Variants in GSE1 observed in about 807,000 individuals in gnomAD.
GSE1 encodes the protein genetic suppressor element 1.
In GSE1, 32 loss-of-function variants were observed where a neutral mutation model predicts 112.6. The ratio of observed to expected loss-of-function variants is 0.28; its 90% CI spans 0.21 to 0.38. The LOEUF (loss-of-function observed/expected upper bound fraction) is 0.38. Ranked by LOEUF, GSE1 falls within the 10% of genes least tolerant of loss-of-function variation. The pLI is 1.00. For synonymous variants in GSE1, 1,115 were observed against 735.6 expected (o/e 1.52, Z -8.35); for missense variants, 2,348 against 1,699.2 (o/e 1.38, Z -6.71).
intron 2 of GSE1, among the ~76,000 whole-genome samples, chr16:85,643,197 T>A (rs1015288600): frequency 6.6e-6 from 1 of 152,236 alleles, no homozygotes; most frequent in African/African-American, 2.4e-5. Flanking sequence ...GGACACGGGC[T>A]GCCTCTTGTC....
At chr16:85,514,965 G>A (rs186265929) in intron 2 of GSE1, among the ~76,000 whole-genome samples, 239 of 152,346 alleles carry the variant, frequency 1.6e-3, no homozygotes, top group South Asian at 2.7e-3. Context: ...GTGTGCATGT[G>A]AGCGTGCATG....
At chr16:85,557,900 G>A (rs1312597294) in intron 1 of GSE1, among the ~76,000 whole-genome samples, 1 of 151,754 alleles carries the variant, frequency 6.6e-6, no homozygotes, top group East Asian at 1.9e-4. Context: ...TTTTCTTGGT[G>A]TGTATGCCGT....
intron 2 of GSE1, among the ~76,000 whole-genome samples, chr16:85,506,032 C>T (rs1056707187): frequency 1.8e-4 from 27 of 152,208 alleles, no homozygotes; most frequent in African/African-American, 6.3e-4. Context: ...TGGAGTGCCT[C>T]CTGAATGGCG....
intron 1 of GSE1, among the ~76,000 whole-genome samples, chr16:85,281,256 G>T (rs1207500920): frequency 8.5e-5 from 13 of 152,064 alleles, no homozygotes; most frequent in Admixed American, 6.6e-4. Flanking sequence ...GTCCCAATTA[G>T]CTGGGGACAC....
Position 85,478,917 on chromosome 16 carries a change from TTC to T in GSE1, c.2464+121276_2464+121277del, listed in dbSNP as rs56810023. Among the ~76,000 whole-genome samples the T allele has an allele frequency of 2.5e-3, 148 of 60,052 alleles. 5 individuals carry two copies. The highest frequency in any genetic ancestry group is 4.9e-3 in the South Asian group (10 of 2,036). The allele number at this position is 60,052 out of a possible 152,430, so 39.4% of individuals were successfully genotyped here. On this transcript the variant is annotated intron_variant, in intron 2 of 2. Coordinates refer to the GSE1 transcript ENST00000637419. ...TTTCTTTCTTTCTTTCTTTCTTTCT[TTC>T]TTTCTTTCTCTTTCTTTCTTTCTTT... is the stretch of plus-strand genomic sequence containing the variant.
chr16:85,289,594 C>T (rs577845476), intron 1 of GSE1, among the ~76,000 whole-genome samples: 1 of 152,208 alleles, frequency 6.6e-6, no homozygotes, highest in Admixed American at 6.5e-5. Flanking sequence ...CCACAGACCA[C>T]ACTTTGAGAA....
At chr16:85,627,082 A>ATTTTTTTTTTTTTTTTTTTTTTTTT (rs1365252836) in intron 1 of GSE1, among the ~76,000 whole-genome samples, 1 of 28,214 alleles carries the variant, frequency 3.5e-5, no homozygotes, top group African/African-American at 1.9e-4. Context: ...TTTTTAAAGC[A>ATTTTTTTTTTTTTTTTTTTTTTTTT]TTGTGCTGCT....
At chr16:85,303,267 T>C (rs1348453094) in intron 1 of GSE1, among the ~76,000 whole-genome samples, 4 of 152,228 alleles carry the variant, frequency 2.6e-5, no homozygotes, top group African/African-American at 9.6e-5. Context: ...GTTGGGTTCC[T>C]ATCTGGGGCT....
At chr16:85,262,718 T>C (rs1342543471) in intron 1 of GSE1, among the ~76,000 whole-genome samples, 1 of 152,196 alleles carries the variant, frequency 6.6e-6, no homozygotes, top group African/African-American at 2.4e-5. Flanking sequence ...CTTGCACAAG[T>C]TCTGATCCTC....
chr16:85,294,616 A>ACTCTCTCTCT lies in GSE1; in HGVS notation c.2284-62814_2284-62805dup, dbSNP rs756560732. Among the ~76,000 whole-genome samples the ACTCTCTCTCT allele has an allele frequency of 9.8e-3, 753 of 76,636 alleles. 70 individuals carry two copies. The highest frequency in any genetic ancestry group is 0.042 in the African/African-American group (678 of 16,198). The allele number at this position is 76,636 out of a possible 152,430, so 50.3% of individuals were successfully genotyped here. ...CCTGGATCTTGCCAGCACGCCTCTC[A>ACTCTCTCTCT]CTCTCTCTCTCTCTCTCTCTCTCTC... is the stretch of plus-strand genomic sequence containing the variant. On this transcript the variant is annotated intron_variant, in intron 1 of 2. Coordinates refer to the GSE1 transcript ENST00000637419.
chr16:85,608,409 G>A (rs1402121605), upstream of GSE1, among the ~76,000 whole-genome samples: 1 of 152,176 alleles, frequency 6.6e-6, no homozygotes, highest in Non-Finnish European at 1.5e-5. Flanking sequence ...GTGAATCCCA[G>A]GGTGCTCAGC....
chr16:85,255,031 C>A (rs1242870185), intron 1 of GSE1, among the ~76,000 whole-genome samples: 1 of 152,222 alleles, frequency 6.6e-6, no homozygotes, highest in East Asian at 1.9e-4. Context: ...GCGGTCTCTG[C>A]AGGGACCCGC....
Position 85,206,219 on chromosome 16 carries a change from G to A in GSE1, c.2283+34412G>A, listed in dbSNP as rs116845317. On this transcript the variant is annotated intron_variant, in intron 1 of 2. Transcript: ENST00000637419. ...GGGGGGCGCATGTGCAAAGGGCGCCGGGTGTGGTGGGAAGACCTGTGTTTG... is the reference window on the plus strand; with the variant it reads ...GGGGGGCGCATGTGCAAAGGGCGCCAGGTGTGGTGGGAAGACCTGTGTTTG... 8.1e-3 allele frequency among the ~76,000 whole-genome samples: 1,236 copies of A among 152,162 alleles called. 7 individuals are homozygous for A. Among genetic ancestry groups the A allele is most frequent in the Non-Finnish European group, 0.014 (957 of 68,004 alleles).
chr16:85,443,211 C>G (rs1430165411), intron 2 of GSE1, among the ~76,000 whole-genome samples: 1 of 152,224 alleles, frequency 6.6e-6, no homozygotes, highest in Non-Finnish European at 1.5e-5. Context: ...CCCCAGCGTG[C>G]TGCTGCCTGC....
intron 8 of GSE1, among the ~76,000 whole-genome samples, chr16:85,658,162 G>A (rs1165185907): frequency 6.6e-6 from 1 of 152,234 alleles, no homozygotes; most frequent in African/African-American, 2.4e-5. Flanking sequence ...CTTATGAGCT[G>A]GGCCCCAGTG....
intron 1 of GSE1, among the ~76,000 whole-genome samples, chr16:85,632,993 C>T (rs1248084555): frequency 6.7e-6 from 1 of 148,918 alleles, no homozygotes; most frequent in Non-Finnish European, 1.5e-5. Context: ...AGGTGGCTGC[C>T]CCTGGGCTCA....
rs780379206 is a variant in GSE1 at position 85,665,146 on chromosome 16, C to A, written c.2758+18C>A. 3.6e-6 allele frequency: 5 copies of A among 1,405,966 alleles called. No homozygotes were observed. Among genetic ancestry groups the A allele is most frequent in the Non-Finnish European group, 5.0e-6 (5 of 991,542 alleles). The allele number at this position is 1,405,966 out of a possible 1,614,324, so 87.1% of individuals were successfully genotyped here. On this transcript the variant is annotated intron_variant, in intron 12 of 15. Transcript: ENST00000253458. ...CCTGAGTGGTAAGGGAAGGATAGCC[C>A]CACCTGCCACCACCCAGGACCATCC...
exon 1 of GSE1, chr16:85,171,429 C>G (rs1423351263): frequency 4.1e-6 from 4 of 985,452 alleles, no homozygotes; most frequent in Non-Finnish European, 4.8e-6. Context: ...CCCCTCGTGC[C>G]AGGCCTGTGG....
chr16:85,339,614 G>GGAGGGGGAGGGGGGCAGAGA, intron 1 of GSE1, among the ~76,000 whole-genome samples: 1 of 151,180 alleles, frequency 6.6e-6, no homozygotes, highest in Non-Finnish European at 1.5e-5. Context: ...GTGGATGTGC[G>GGAGGGGGAGGGGGGCAGAGA]GAGGGGGAGG....
Sources: allele counts gnomAD v4.1 joint callset (sites outside exome capture counted in the v4.1 genomes callset), GRCh38; gene constraint gnomAD v4.1.1; transcripts MANE v1.5; gene names NCBI Gene and HGNC (gene_info 2026-07-23, HGNC 2026-07-21).